TSPAN5: variants seen among roughly 807,000 people sequenced by gnomAD.
The protein encoded by TSPAN5 is tetraspanin 5.
In TSPAN5, 10 loss-of-function variants were observed where a neutral mutation model predicts 37.1. That is an observed-to-expected ratio of 0.27 (90% CI 0.17 to 0.46). TSPAN5 has a LOEUF of 0.46. Among genes scored for constraint, TSPAN5 ranks in the 20% least tolerant of loss-of-function variants. The pLI, the probability that TSPAN5 is intolerant of heterozygous loss-of-function variation, is 1.00. For synonymous variants in TSPAN5, 110 were observed against 118.9 expected (o/e 0.93, Z 0.48); for missense variants, 195 against 326.6 (o/e 0.60, Z 3.11).
chr4:98,642,837 A>G (rs1257714008), intron 1 of TSPAN5, among the ~76,000 whole-genome samples: 1 of 152,230 alleles, frequency 6.6e-6, no homozygotes, highest in Non-Finnish European at 1.5e-5. Flanking sequence ...CTTATAGACT[A>G]AGGATATAAA....
chr4:98,658,390 G>T lies in TSPAN5; in HGVS notation c.-164C>A. The T allele has an allele frequency of 2.2e-6, 1 of 461,954 alleles. No individual in the cohort carries two copies. Among genetic ancestry groups the T allele is most frequent in the Non-Finnish European group, 3.7e-6 (1 of 269,728 alleles). 28.6% of individuals were successfully genotyped at this position (461,954 alleles called of 1,614,324 possible). A position where few individuals can be genotyped will look rare whatever the true frequency, so the allele number is the denominator to read the frequency against. The stretch of plus-strand genomic sequence containing the variant: ...GCGCGGGGACCGACCGGCGGAGAGC[G>T]GCTCCCGCACCTCCAGCCCCTCGCG... On this transcript the variant is annotated 5_prime_UTR_variant, in exon 1 of 8. Transcript: ENST00000305798.
rs1350867971 is a variant in TSPAN5 at position 98,507,704 on chromosome 4, T to C, written c.106A>G (p.Ile36Val). 4 of 1,611,718 alleles carry C rather than the reference T, an allele frequency of 2.5e-6. No homozygotes were observed. Residue 36 changes from isoleucine to valine, a missense_variant, in exon 2 of 8, where the codon ATT becomes GTT. Coordinates refer to ENST00000305798, the MANE Select transcript of TSPAN5 (RefSeq NM_005723.4). ...TTTTCATTCCATGCCCACAGTCCAA[T>C]TCCAAGAAATGTTATTCCCAAAAAC... is the stretch of plus-strand genomic sequence containing the variant. ...FWFLGITFLGIGLWAWNEKGV... is the reference protein window; with the variant it reads ...FWFLGITFLGVGLWAWNEKGV...
At chr4:98,502,258 T>C (rs1246471502) in intron 2 of TSPAN5, among the ~76,000 whole-genome samples, 1 of 152,008 alleles carries the variant, frequency 6.6e-6, no homozygotes, top group Admixed American at 6.6e-5. Flanking sequence ...TCAGATGAGG[T>C]TGGAAGCAAA....
chr4:98,553,087 C>T (rs1319964443), intron 1 of TSPAN5, among the ~76,000 whole-genome samples: 2 of 152,210 alleles, frequency 1.3e-5, no homozygotes, highest in South Asian at 2.1e-4. Flanking sequence ...TAAAGTCACA[C>T]ATTTTCAAAA....
rs143142281 is a variant in TSPAN5, at chr4:98,567,096, A to T, written c.82-59368T>A. 8.5e-3 allele frequency among the ~76,000 whole-genome samples: 1,298 copies of T among 152,322 alleles called. 8 individuals are homozygous for T. The highest frequency in any genetic ancestry group is 0.011 in the Non-Finnish European group (733 of 68,022). ...AGGGGCACTCAATAAATAATTTGAAATTTGAATAAGTCTCTCCATCCTGCC... is the reference window on the plus strand; with the variant it reads ...AGGGGCACTCAATAAATAATTTGAATTTTGAATAAGTCTCTCCATCCTGCC... On this transcript the variant is annotated intron_variant, in intron 1 of 7. Transcript: ENST00000305798.
intron 1 of TSPAN5, among the ~76,000 whole-genome samples, chr4:98,537,664 G>A (rs17027672): frequency 0.022 from 3,341 of 152,240 alleles, 132 homozygotes; most frequent in African/African-American, 0.075. Flanking sequence ...GTGCCTCACC[G>A]CCCTCCCAGA....
At chr4:98,533,543 C>G (rs150658899) in intron 1 of TSPAN5, among the ~76,000 whole-genome samples, 1 of 58,582 alleles carries the variant, frequency 1.7e-5, no homozygotes, top group Non-Finnish European at 2.7e-5. Flanking sequence ...TCCCCTATAT[C>G]TTTTTTTTTT....
At chr4:98,589,757 A>G (rs1755583373) in intron 1 of TSPAN5, among the ~76,000 whole-genome samples, 1 of 152,090 alleles carries the variant, frequency 6.6e-6, no homozygotes, top group East Asian at 1.9e-4. Flanking sequence ...GTTAATGAAA[A>G]CCATTTTCTC....
At chr4:98,480,024 G>T (rs1752803496) in intron 4 of TSPAN5, among the ~76,000 whole-genome samples, 1 of 151,942 alleles carries the variant, frequency 6.6e-6, no homozygotes, top group African/African-American at 2.4e-5. Context: ...GTGCATTGTT[G>T]GCACTGCGTG....
chr4:98,575,771 CAAA>C (rs35433252), intron 1 of TSPAN5, among the ~76,000 whole-genome samples: 15 of 141,896 alleles, frequency 1.1e-4, no homozygotes, highest in South Asian at 4.5e-4. Context: ...CCCCACCCCA[CAAA>C]AAAAAAAAAA....
chr4:98,544,493 A>G (rs1754426331), intron 1 of TSPAN5, among the ~76,000 whole-genome samples: 1 of 152,142 alleles, frequency 6.6e-6, no homozygotes, highest in Non-Finnish European at 1.5e-5. Flanking sequence ...AGGGACCCTC[A>G]TTCACAGCCA....
chr4:98,533,950 A>AAAAAAAAAAAAAAAAAAAAAAAT (rs1754169652), intron 1 of TSPAN5, among the ~76,000 whole-genome samples: 1 of 141,378 alleles, frequency 7.1e-6, no homozygotes, highest in Non-Finnish European at 1.6e-5. Flanking sequence ...AAAAAAAAAA[A>AAAAAAAAAAAAAAAAAAAAAAAT]AAAAAAAAAA....
chr4:98,513,844 T>A (rs1753666839), intron 1 of TSPAN5, among the ~76,000 whole-genome samples: 1 of 149,820 alleles, frequency 6.7e-6, no homozygotes, highest in Non-Finnish European at 1.5e-5. Context: ...CCCTGCTACT[T>A]TTATTCATAA....
intron 1 of TSPAN5, among the ~76,000 whole-genome samples, chr4:98,554,499 C>A (rs1033496583): frequency 6.6e-6 from 1 of 152,212 alleles, no homozygotes; most frequent in Non-Finnish European, 1.5e-5. Context: ...TCAATTGCTG[C>A]ACATCCATAA....
intron 1 of TSPAN5, among the ~76,000 whole-genome samples, chr4:98,631,548 C>T (rs967722254): frequency 6.6e-6 from 1 of 152,080 alleles, no homozygotes. Context: ...GTCTTAGATG[C>T]CTGACCCTGC....
chr4:98,540,617 C>T (rs1490448012), intron 1 of TSPAN5, among the ~76,000 whole-genome samples: 8 of 152,162 alleles, frequency 5.3e-5, no homozygotes, highest in Admixed American at 2.6e-4. Flanking sequence ...GGATTACAGA[C>T]GTGAGCCACC....
intron 2 of TSPAN5, among the ~76,000 whole-genome samples, chr4:98,503,739 C>G (rs1183426669): frequency 6.6e-6 from 1 of 152,204 alleles, no homozygotes; most frequent in East Asian, 1.9e-4. Flanking sequence ...TCCATGAAGA[C>G]TGAAACTAGG....
In TSPAN5 at chr4:98,471,488, A is replaced by G. The variant is rs1368287543; in HGVS notation, c.*1034T>C. ...AGGAAATAAGTGCTGACCAAATAAC[A>G]TATTTCAATGTTTGTAGAAAAGCTG... is the stretch of plus-strand genomic sequence containing the variant. On this transcript the variant is annotated 3_prime_UTR_variant, in exon 8 of 8. Transcript: ENST00000305798. 1 of 152,170 alleles carries G rather than the reference A, an allele frequency of 6.6e-6. No homozygotes were observed. The highest frequency in any genetic ancestry group is 2.1e-4 in the South Asian group (1 of 4,820). The allele number at this position is 152,170 out of a possible 1,614,324, so 9.4% of individuals were successfully genotyped here.
chr4:98,562,383 C>T (rs983307097), intron 1 of TSPAN5, among the ~76,000 whole-genome samples: 8 of 152,072 alleles, frequency 5.3e-5, no homozygotes, highest in African/African-American at 1.9e-4. Context: ...AAATCACAGG[C>T]CGGGTGCGGT....
Sources: gnomAD v4.1 joint callset for allele counts (sites outside exome capture counted in the v4.1 genomes callset) on GRCh38, gnomAD v4.1.1 for gene constraint, MANE v1.5 for transcripts, NCBI Gene and HGNC (gene_info 2026-07-23, HGNC 2026-07-21) for gene names.